Variants in EXOC5 observed in about 807,000 individuals in gnomAD.
EXOC5 encodes the protein exocyst complex component 5.
Under a neutral mutation model 90.8 loss-of-function variants are expected in EXOC5, and 17 were observed. That is an observed-to-expected ratio of 0.19 (90% confidence interval 0.13 to 0.28). The LOEUF (loss-of-function observed/expected upper bound fraction) is 0.28. Ranked by LOEUF, EXOC5 falls within the 10% of genes least tolerant of loss-of-function variation. The pLI is 1.00. For missense variants in EXOC5, 569 were observed against 830.6 expected (o/e 0.69, Z 3.87); for synonymous variants, 260 against 270.0 (o/e 0.96, Z 0.36).
rs1594674933 is a variant in EXOC5 at position 57,246,740 on chromosome 14, T to C, written c.241A>G (p.Lys81Glu). The change falls in exon 3 of 18, where the codon AAG (lysine) becomes GAG (glutamate). Residue 81 changes from lysine (K) to glutamate (E), a missense_variant. Lys to Glu is a moderately conservative substitution (Grantham distance 56). This residue lies in a region of EXOC5 where 45 missense variants were observed against 44.6 expected (regional missense o/e 1.01). Coordinates refer to ENST00000621441, the MANE Select transcript of EXOC5 (RefSeq NM_006544.4). ...TTGCTTTTCTGCAGCTCTTGTACCT[T>C]CTTGGCAAATTCCTTGGCTTCTTTC... is the stretch of plus-strand genomic sequence containing the variant. Reference protein sequence around the residue: ...CQKEAKEFAKKVQELQKSNQV... With the variant: ...CQKEAKEFAKEVQELQKSNQV... 1.2e-6 allele frequency: 2 copies of C among 1,611,296 alleles called. No individual in the cohort carries two copies. The highest frequency in any genetic ancestry group is 1.7e-6 in the Non-Finnish European group (2 of 1,179,502).
At chr14:57,247,894 A>C (rs945689729) in intron 1 of EXOC5, among the ~76,000 whole-genome samples, 182 bp from the exon 2 acceptor site, 46 of 148,458 alleles carry the variant, frequency 3.1e-4, no homozygotes, top group Non-Finnish European at 6.1e-4. Context: ...AAACAAAACA[A>C]ATTACTTAAT....
chr14:57,261,186 A>T (rs1037456852), intron 1 of EXOC5, among the ~76,000 whole-genome samples: 6 of 152,206 alleles, frequency 3.9e-5, no homozygotes, highest in Admixed American at 3.9e-4. Flanking sequence ...TTTAATTTGT[A>T]GGTTATGTTT....
In EXOC5 at chr14:57,229,767, T is replaced by C. The variant is rs913756974; in HGVS notation, c.1263A>G (p.Gln421=). ...ATCTTTCAAAGGCTTGTTTGGTTTC[T>C]TGTAAAAGATTAACCACCACTTCTT... ...LSQEVVVNLL[Q]ETKQAFERCH... is the part of the protein sequence containing the mutation. The change falls in exon 12 of 18, where the codon CAA becomes CAG. Residue 421 remains glutamine (Q), a synonymous_variant. Coordinates refer to ENST00000621441, the MANE Select transcript of EXOC5 (RefSeq NM_006544.4). 1.3e-5 allele frequency: 20 copies of C among 1,525,278 alleles called. No homozygotes were observed. The African/African-American group carries it at 2.1e-4, about 16-fold the overall frequency. 94.5% of individuals were successfully genotyped at this position (1,525,278 alleles called of 1,614,324 possible). A position where few individuals can be genotyped will look rare whatever the true frequency, so the allele number is the denominator to read the frequency against.
chr14:57,263,035 G>A (rs552785030), intron 1 of EXOC5, among the ~76,000 whole-genome samples: 5 of 152,168 alleles, frequency 3.3e-5, no homozygotes, highest in South Asian at 2.1e-4. Flanking sequence ...GGTTGCCCAC[G>A]ATCCCTATTT....
chr14:57,268,637 C>T lies in EXOC5; in HGVS notation c.12G>A (p.Thr4=). ...CGGGGCCCACCTCGAAGAGCTCGGCCGTGGTAGCCATCCCGGCCGGCTGAG... is the reference window on the plus strand; with the variant it reads ...CGGGGCCCACCTCGAAGAGCTCGGCTGTGGTAGCCATCCCGGCCGGCTGAG... MAT[T]AELFEEPFVA... is the part of the protein sequence containing the mutation. Residue 4 remains threonine, a synonymous_variant, in exon 1 of 18, where the codon ACG becomes ACA. Transcript: ENST00000621441. 6.3e-7 allele frequency: 1 copy of T among 1,591,156 alleles called. No individual in the cohort carries two copies. Among genetic ancestry groups the T allele is most frequent in the Non-Finnish European group, 8.5e-7 (1 of 1,174,858 alleles).
chr14:57,210,223 A>G (rs1594644938), intron 15 of EXOC5, among the ~76,000 whole-genome samples, 162 bp from the exon 16 acceptor site: 1 of 152,294 alleles, frequency 6.6e-6, no homozygotes, highest in African/African-American at 2.4e-5. Flanking sequence ...AGTCAGCTCT[A>G]GGTCTTAATA....
intron 1 of EXOC5, chr14:57,268,233 A>T: frequency 3.3e-6 from 1 of 302,282 alleles, no homozygotes; most frequent in Admixed American, 5.0e-5. Flanking sequence ...CCCCAGCGAC[A>T]AGACTCGCCC....
chr14:57,229,457 T>G (rs1343140639), intron 12 of EXOC5, among the ~76,000 whole-genome samples: 1 of 152,142 alleles, frequency 6.6e-6, no homozygotes, highest in Non-Finnish European at 1.5e-5. Flanking sequence ...GTACTGAATA[T>G]GTACTGTCAT....
At chr14:57,215,047 C>G (rs1882932879) in intron 15 of EXOC5, among the ~76,000 whole-genome samples, 1 of 151,926 alleles carries the variant, frequency 6.6e-6, no homozygotes, top group South Asian at 2.1e-4. Context: ...CTGGCTAACA[C>G]AGTAAAACCA....
At chr14:57,229,403 A>G (rs1322656993) in intron 12 of EXOC5, among the ~76,000 whole-genome samples, 2 of 152,202 alleles carry the variant, frequency 1.3e-5, no homozygotes, top group Non-Finnish European at 2.9e-5. Context: ...AACCAGCCAC[A>G]GATCAAAAAA....
rs1213391952 is a variant in EXOC5, at chr14:57,209,689, G to A, written c.1816C>T (p.Leu606Phe). The A allele has an allele frequency of 1.2e-6, 2 of 1,612,348 alleles. No individual in the cohort carries two copies. Among genetic ancestry groups the A allele is most frequent in the Admixed American group, 3.3e-5 (2 of 59,892 alleles). The change falls in exon 17 of 18, where the codon CTT becomes TTT. Residue 606 changes from leucine to phenylalanine, a missense_variant. Leu to Phe is a conservative substitution (Grantham distance 22, BLOSUM62 0). Around this residue, in one of 9 missense-constraint regions of EXOC5, gnomAD observed 122 missense variants for 180.0 expected, o/e 0.68. Transcript: ENST00000621441. Reference sequence around the variant, plus strand: ...ATAAGTCGATGAAAACGTACTCCAAGTTCCATCAAAACTGTATCCACATTC... The same window carrying A: ...ATAAGTCGATGAAAACGTACTCCAAATTCCATCAAAACTGTATCCACATTC... Reference protein sequence around the residue: ...GKNVDTVLMELGVRFHRLIYE... With the variant: ...GKNVDTVLMEFGVRFHRLIYE...
In EXOC5 at chr14:57,267,161, G is replaced by A. The variant is rs954889072; in HGVS notation, c.27+1461C>T. Reference sequence around the variant, plus strand: ...GGGACACAGTAAAAGTTCCTAGCAGGAAAAATGTCTCCCCGTTCTTGTGTC... The same window carrying A: ...GGGACACAGTAAAAGTTCCTAGCAGAAAAAATGTCTCCCCGTTCTTGTGTC... On this transcript the variant is annotated intron_variant, in intron 1 of 17. Transcript: ENST00000621441. Among the ~76,000 whole-genome samples the A allele has an allele frequency of 5.9e-5, 9 of 152,214 alleles. No homozygotes were observed. The South Asian group carries it at 8.3e-4, about 14-fold the overall frequency.
At chr14:57,216,677 A>G (rs1314324375) in intron 15 of EXOC5, among the ~76,000 whole-genome samples, 2 of 152,208 alleles carry the variant, frequency 1.3e-5, no homozygotes, top group African/African-American at 4.8e-5. Flanking sequence ...ACCCACAACT[A>G]TAAAACTAGT....
At chr14:57,237,441 A>G (rs1038950805) in intron 5 of EXOC5, 75 bp from the exon 6 acceptor site, 1 of 900,970 alleles carries the variant, frequency 1.1e-6, no homozygotes, top group Non-Finnish European at 1.8e-6. Context: ...TGCTAACCAA[A>G]TGGGAAACTG....
intron 1 of EXOC5, among the ~76,000 whole-genome samples, chr14:57,257,659 G>A (rs1280935663): frequency 6.6e-6 from 1 of 151,824 alleles, no homozygotes; most frequent in Admixed American, 6.6e-5. Context: ...AGGGATGGAA[G>A]TTCCAAAAAA....
chr14:57,202,339 T>C lies in EXOC5; in HGVS notation c.*6270A>G, dbSNP rs1433296731. On this transcript the variant is annotated 3_prime_UTR_variant, in exon 18 of 18. Transcript: ENST00000621441. The stretch of plus-strand genomic sequence containing the variant: ...GGAATTAGGACAGCTAGTAAAATGA[T>C]TGGTGTCTGAGGATTAGATAGTAGT... 6.6e-6 allele frequency: 1 copy of C among 152,158 alleles called. No homozygotes were observed. The highest frequency in any genetic ancestry group is 2.4e-5 in the African/African-American group (1 of 41,434). The allele number at this position is 152,158 out of a possible 1,614,324, so 9.4% of individuals were successfully genotyped here. A position where few individuals can be genotyped will look rare whatever the true frequency, so the allele number is the denominator to read the frequency against.
intron 1 of EXOC5, among the ~76,000 whole-genome samples, chr14:57,267,383 C>T (rs1884702620): frequency 6.6e-6 from 1 of 152,128 alleles, no homozygotes; most frequent in African/African-American, 2.4e-5. Flanking sequence ...TATCCAAAAG[C>T]TGACTGATAT....
At chr14:57,245,017 G>A (rs1883994670) in intron 3 of EXOC5, among the ~76,000 whole-genome samples, 1 of 150,084 alleles carries the variant, frequency 6.7e-6, no homozygotes, top group Non-Finnish European at 1.5e-5. Flanking sequence ...AAAAAAGTCA[G>A]TGGTAAAATA....
rs1456325020 is a variant in EXOC5, at chr14:57,203,736, G to A, written c.*4873C>T. The A allele has an allele frequency of 6.6e-6, 1 of 152,482 alleles. No homozygotes were observed. The highest frequency in any genetic ancestry group is 1.5e-5 in the Non-Finnish European group (1 of 68,002). The allele number at this position is 152,482 out of a possible 1,614,324, so 9.4% of individuals were successfully genotyped here. On this transcript the variant is annotated 3_prime_UTR_variant, in exon 18 of 18. Transcript: ENST00000621441. The stretch of plus-strand genomic sequence containing the variant: ...CCAGTTTCAGACTTTTAAATTAAAA[G>A]TGGCTCAGTTGGATACTGTCTCTTA...
Sources: gnomAD v4.1 joint callset for allele counts (sites outside exome capture counted in the v4.1 genomes callset) on GRCh38, gnomAD v4.1.1 for gene constraint, gnomAD v4.1.1 regional missense constraint, MANE v1.5 for transcripts, NCBI Gene and HGNC (gene_info 2026-07-23, HGNC 2026-07-21) for gene names.